The following KLHL11 variants were observed in gnomAD, a reference collection of about 807,000 sequenced individuals.
The protein encoded by KLHL11 is kelch like family member 11, also known as kelch-like protein 11.
KLHL11 carries 26 observed loss-of-function variants against 56.1 expected under a neutral mutation model. That is an observed-to-expected ratio of 0.46 (90% confidence interval 0.34 to 0.64). The LOEUF is 0.64. Ranked by LOEUF, KLHL11 falls within the 30% of genes least tolerant of loss-of-function variation. The pLI is 0.01. For missense variants in KLHL11, 627 were observed against 919.4 expected (o/e 0.68, Z 4.11); for synonymous variants, 338 against 345.8 (o/e 0.98, Z 0.25).
rs185305052 is a variant in KLHL11, at chr17:41,857,162, T to C, written c.546-1841A>G. 7.3e-5 allele frequency among the ~76,000 whole-genome samples: 11 copies of C among 151,484 alleles called. No homozygotes were observed. In the East Asian group the frequency reaches 1.9e-3, roughly 27 times the overall value. On this transcript the variant is annotated intron_variant, in intron 1 of 1. Transcript: ENST00000319121. ...AGTAAGCTATAATCGTGCCTGTGAA[T>C]AGCCACTGCACTCCAGCCTGGGCAA...
intron 1 of KLHL11, among the ~76,000 whole-genome samples, chr17:41,864,128 A>T (rs541933430): frequency 4.6e-5 from 7 of 152,246 alleles, no homozygotes; most frequent in Non-Finnish European, 7.3e-5. Context: ...GATAATTGCC[A>T]AAACAAACGC....
intron 1 of KLHL11, among the ~76,000 whole-genome samples, chr17:41,861,638 A>G (rs1030110551): frequency 2.9e-5 from 4 of 138,280 alleles, no homozygotes; most frequent in Non-Finnish European, 6.1e-5. Context: ...GTGAGCCGAG[A>G]TTGCGACATT....
Position 41,857,577 on chromosome 17 carries a change from T to C in KLHL11, c.546-2256A>G, listed in dbSNP as rs150061766. Among the ~76,000 whole-genome samples, 1,096 of 151,134 alleles carry C rather than the reference T, an allele frequency of 7.3e-3. 13 individuals carry two copies. The highest frequency in any genetic ancestry group is 0.025 in the African/African-American group (1,043 of 41,328). On this transcript the variant is annotated intron_variant, in intron 1 of 1. Transcript: ENST00000319121. The stretch of plus-strand genomic sequence containing the variant: ...ATATAAAGTATTATTTATATTAGTT[T>C]ATATAATTACCTATCATATATGTGA...
rs1274364224 is a variant in KLHL11 at position 41,850,727 on chromosome 17, A to AACT, written c.*3010_*3012dup. ...GAATCCAAATGGCTTTTACTAAAAT[A>AACT]ACTACAAAGAAATAGAAATTGAGAA... On this transcript the variant is annotated 3_prime_UTR_variant, in exon 2 of 2. Transcript: ENST00000319121. 6.6e-6 allele frequency: 1 copy of AACT among 152,232 alleles called. No individual in the cohort carries two copies. The highest frequency in any genetic ancestry group is 2.4e-5 in the African/African-American group (1 of 41,458). 9.4% of individuals were successfully genotyped at this position (152,232 alleles called of 1,614,324 possible).
At position 41,865,191 on chromosome 17, in the gene KLHL11, G is replaced by A. The variant is rs782083223; in HGVS notation, c.180C>T (p.Ser60=). 1.2e-5 allele frequency: 19 copies of A among 1,608,852 alleles called. No homozygotes were observed. The highest frequency in any genetic ancestry group is 1.7e-4 in the Middle Eastern group (1 of 6,056). The part of the protein sequence containing the change: ...PGPGISAMEA[S]GGDPGPEAED... ...CGGCTTCTGGGCCCGGATCGCCCCC[G>A]CTCGCCTCCATTGCAGAGATCCCCG... Residue 60 remains serine (S), a synonymous_variant, in exon 1 of 2, where the codon AGC becomes AGT. Coordinates refer to ENST00000319121, the MANE Select transcript of KLHL11 (RefSeq NM_018143.3).
chr17:41,854,321 T>C lies in KLHL11; in HGVS notation c.1546A>G (p.Thr516Ala). 5 of 1,614,236 alleles carry C rather than the reference T, an allele frequency of 3.1e-6. No homozygotes were observed. Among genetic ancestry groups the C allele is most frequent in the South Asian group, 2.2e-5 (2 of 91,088 alleles). The change falls in exon 2 of 2, where the codon ACT becomes GCT. Residue 516 changes from threonine to alanine, a missense_variant. This residue lies in a region of KLHL11 where 250 missense variants were observed against 360.6 expected (regional missense o/e 0.69). Coordinates refer to ENST00000319121, the MANE Select transcript of KLHL11 (RefSeq NM_018143.3). This position sits in a 1 kb window ranked among gnomAD's most constrained non-coding sequence, Gnocchi z 4.9. Reference protein sequence around the residue: ...IAARTPVDRDTEDGLKAVITC... With the variant: ...IAARTPVDRDAEDGLKAVITC... ...ATTACAGCCTTTAATCCATCTTCAG[T>C]GTCCCGGTCTACAGGAGTGCGGGCG...
chr17:41,855,187 A>T lies in KLHL11; in HGVS notation c.680T>A (p.Met227Lys). Residue 227 changes from methionine to lysine, a missense_variant, in exon 2 of 2, where the codon ATG (methionine) becomes AAG (lysine). By Grantham distance (95) the Met-to-Lys change is moderately conservative. Around this residue, in one of 4 missense-constraint regions of KLHL11, gnomAD observed 150 missense variants for 215.7 expected, o/e 0.70. Coordinates refer to ENST00000319121, the MANE Select transcript of KLHL11 (RefSeq NM_018143.3). ...LSQLALKAAD[M>K]IRRNFHKVIQ... is the part of the protein sequence containing the mutation. ...CACTTTGTGGAAATTTCTCCGTATC[A>T]TATCAGCAGCCTTCAGAGCAAGTTG... 6.2e-7 allele frequency: 1 copy of T among 1,614,206 alleles called. No homozygotes were observed. Among genetic ancestry groups the T allele is most frequent in the South Asian group, 1.1e-5 (1 of 91,084 alleles).
In KLHL11 at chr17:41,854,770, C is replaced by T; in HGVS notation, c.1097G>A (p.Gly366Asp). ...QNMDVIMVIG[G>D]VSEGGDYLSE... ...TAAATAGTCCCCTCCTTCTGACACA[C>T]CTCCAATAACCATGATCACATCCAT... Residue 366 changes from glycine to aspartate, a missense_variant, in exon 2 of 2, where the codon GGT becomes GAT. Around this residue, in one of 4 missense-constraint regions of KLHL11, gnomAD observed 106 missense variants for 227.0 expected, o/e 0.47. Coordinates refer to ENST00000319121, the MANE Select transcript of KLHL11 (RefSeq NM_018143.3). This position sits in a 1 kb window ranked among gnomAD's most constrained non-coding sequence, Gnocchi z 4.9. The T allele has an allele frequency of 6.2e-7, 1 of 1,614,202 alleles. No homozygotes were observed. Among genetic ancestry groups the T allele is most frequent in the Non-Finnish European group, 8.5e-7 (1 of 1,180,032 alleles).
At chr17:41,856,745 A>T (rs893901775) in intron 1 of KLHL11, among the ~76,000 whole-genome samples, 1 of 151,872 alleles carries the variant, frequency 6.6e-6, no homozygotes, top group Non-Finnish European at 1.5e-5. Context: ...GGCTGGGCGC[A>T]GTGGCTCACA....
chr17:41,861,121 A>T (rs1160885400), intron 1 of KLHL11, among the ~76,000 whole-genome samples: 3 of 152,184 alleles, frequency 2.0e-5, no homozygotes, highest in African/African-American at 7.2e-5. Flanking sequence ...GATCTGACAG[A>T]AACTTTTCCC....
chr17:41,865,071 G>C lies in KLHL11; in HGVS notation c.300C>G (p.Phe100Leu). The C allele has an allele frequency of 6.3e-7, 1 of 1,595,636 alleles. No homozygotes were observed. The stretch of plus-strand genomic sequence containing the variant: ...GGAACTCGCGGCCTCCAGCCCCGCC[G>C]AAGCACAGGGTAATGTCGCAGAAGA... ...QGLFCDITLC[F>L]GGAGGREFRA... The change falls in exon 1 of 2, where the codon TTC becomes TTG. Residue 100 changes from phenylalanine to leucine, a missense_variant. Phe to Leu is a conservative substitution (Grantham distance 22). Coordinates refer to ENST00000319121, the MANE Select transcript of KLHL11 (RefSeq NM_018143.3).
At chr17:41,861,679 C>T (rs1347079029) in intron 1 of KLHL11, among the ~76,000 whole-genome samples, 2 of 88,498 alleles carry the variant, frequency 2.3e-5, no homozygotes, top group Non-Finnish European at 4.1e-5. Flanking sequence ...GAGCGAGACT[C>T]TTGTCTCAAA....
chr17:41,865,181 G>C lies in KLHL11; in HGVS notation c.190C>G (p.Pro64Ala). The change falls in exon 1 of 2, where the codon CCG becomes GCG. Residue 64 changes from proline (P) to alanine (A), a missense_variant. Pro to Ala is a conservative substitution (Grantham distance 27, BLOSUM62 -1). Around this residue, in one of 4 missense-constraint regions of KLHL11, gnomAD observed 121 missense variants for 116.2 expected, o/e 1.04. Transcript: ENST00000319121. ...ISAMEASGGD[P>A]GPEAEDFECS... ...TCGAAATCCTCGGCTTCTGGGCCCGGATCGCCCCCGCTCGCCTCCATTGCA... is the reference window on the plus strand; with the variant it reads ...TCGAAATCCTCGGCTTCTGGGCCCGCATCGCCCCCGCTCGCCTCCATTGCA... 7 of 1,610,010 alleles carry C rather than the reference G, an allele frequency of 4.3e-6. No homozygotes were observed. Among genetic ancestry groups the C allele is most frequent in the Non-Finnish European group, 5.1e-6 (6 of 1,178,914 alleles).
Position 41,865,173 on chromosome 17 carries a change from T to G in KLHL11, c.198A>C (p.Pro66=). 6.2e-7 allele frequency: 1 copy of G among 1,610,270 alleles called. No individual in the cohort carries two copies. The highest frequency in any genetic ancestry group is 1.1e-5 in the South Asian group (1 of 90,522). Residue 66 remains proline (P), a synonymous_variant, in exon 1 of 2, where the codon CCA becomes CCC. Coordinates refer to ENST00000319121, the MANE Select transcript of KLHL11 (RefSeq NM_018143.3). The part of the protein sequence containing the change: ...AMEASGGDPG[P]EAEDFECSSH... ...AGCTGCACTCGAAATCCTCGGCTTC[T>G]GGGCCCGGATCGCCCCCGCTCGCCT...
chr17:41,854,502 G>C lies in KLHL11; in HGVS notation c.1365C>G (p.Leu455=). Reference sequence around the variant, plus strand: ...AGTTGCCATGTCCTCCAATGCTATAGAGCTTCCCTTTGACTTCTGTTAGTC... The same window carrying C: ...AGTTGCCATGTCCTCCAATGCTATACAGCTTCCCTTTGACTTCTGTTAGTC... ...SFGLTEVKGK[L]YSIGGHGNFS... Residue 455 remains leucine, a synonymous_variant, in exon 2 of 2, where the codon CTC becomes CTG. Transcript: ENST00000319121. The surrounding 1 kb of genome is among the most constrained non-coding windows in gnomAD (Gnocchi z 4.9). 1 of 1,614,130 alleles carries C rather than the reference G, an allele frequency of 6.2e-7. No individual in the cohort carries two copies. Among genetic ancestry groups the C allele is most frequent in the Non-Finnish European group, 8.5e-7 (1 of 1,180,008 alleles).
chr17:41,862,575 C>A (rs1175067698), intron 1 of KLHL11, among the ~76,000 whole-genome samples: 1 of 152,052 alleles, frequency 6.6e-6, no homozygotes, highest in South Asian at 2.1e-4. Context: ...CCACCGCGCC[C>A]GGCCTAATTT....
intron 1 of KLHL11, among the ~76,000 whole-genome samples, chr17:41,855,894 C>CG (rs2048362180): frequency 1.3e-5 from 2 of 150,264 alleles, no homozygotes; most frequent in Admixed American, 1.3e-4. Context: ...AAGCTGGTCT[C>CG]GAACTCTTGA....
Position 41,865,407 on chromosome 17 carries a change from A to T in KLHL11, c.-37T>A. 2.4e-6 allele frequency: 3 copies of T among 1,245,682 alleles called. No individual in the cohort carries two copies. The highest frequency in any genetic ancestry group is 3.2e-6 in the Non-Finnish European group (3 of 944,898). 77.2% of individuals were successfully genotyped at this position (1,245,682 alleles called of 1,614,324 possible). On this transcript the variant is annotated 5_prime_UTR_variant, in exon 1 of 2. Transcript: ENST00000319121. ...TGCGCCCGGCCTCCACAGCCTCGGA[A>T]CGATGCGGCTGTTGGTACGACACAG...
chr17:41,849,875 C>T lies in KLHL11; in HGVS notation c.*3865G>A, dbSNP rs2048323151. On this transcript the variant is annotated 3_prime_UTR_variant, in exon 2 of 2. Transcript: ENST00000319121. ...CCATTCTAAGATATAAGTAGCCTCA[C>T]TCAAAGTTACATATACTATTACTTT... The T allele has an allele frequency of 6.6e-6, 1 of 152,148 alleles. No individual in the cohort carries two copies. The highest frequency in any genetic ancestry group is 2.4e-5 in the African/African-American group (1 of 41,434). The allele number at this position is 152,148 out of a possible 1,614,324, so 9.4% of individuals were successfully genotyped here. A position where few individuals can be genotyped will look rare whatever the true frequency, so the allele number is the denominator to read the frequency against.
Sources: allele counts gnomAD v4.1 joint callset (sites outside exome capture counted in the v4.1 genomes callset), GRCh38; gene constraint gnomAD v4.1.1; regional missense constraint gnomAD v4.1.1; non-coding constraint Gnocchi (gnomAD v3.1); transcripts MANE v1.5; gene names NCBI Gene and HGNC (gene_info 2026-07-23, HGNC 2026-07-21).